Variants in MAGI2 observed in about 807,000 individuals in gnomAD.
MAGI2 encodes membrane associated guanylate kinase, WW and PDZ domain containing 2.
Under a neutral mutation model 133.3 loss-of-function variants are expected in MAGI2, and 35 were observed. The ratio of observed to expected loss-of-function variants is 0.26; its 90% confidence interval spans 0.20 to 0.35. The LOEUF (loss-of-function observed/expected upper bound fraction) is 0.35. MAGI2 is among the 10% of genes least tolerant of loss of function. MAGI2 has a pLI of 1.00. For synonymous variants in MAGI2, 729 were observed against 710.6 expected (o/e 1.03, Z -0.41); for missense variants, 1,636 against 1,863.4 (o/e 0.88, Z 2.25).
intron 1 of MAGI2, among the ~76,000 whole-genome samples, chr7:79,375,905 T>C (rs848923): frequency 0.5 from 75,790 of 151,630 alleles, 20,382 homozygotes; most frequent in African/African-American, 0.7. Flanking sequence ...ATTATTGGTC[T>C]TATCAGATAT....
chr7:78,313,397 G>A (rs1798886869), intron 9 of MAGI2, among the ~76,000 whole-genome samples: 1 of 151,900 alleles, frequency 6.6e-6, no homozygotes, highest in Non-Finnish European at 1.5e-5. Flanking sequence ...TAACTGTACT[G>A]GAAAGTGAAA....
intron 2 of MAGI2, among the ~76,000 whole-genome samples, chr7:78,865,486 G>C (rs1794486002): frequency 6.6e-6 from 1 of 152,146 alleles, no homozygotes; most frequent in South Asian, 2.1e-4. Flanking sequence ...TCAACAAGAA[G>C]GTAGATAGCA....
At chr7:78,644,000 C>T (rs1426705635) in intron 2 of MAGI2, among the ~76,000 whole-genome samples, 2 of 151,862 alleles carry the variant, frequency 1.3e-5, no homozygotes, top group African/African-American at 4.8e-5. Flanking sequence ...ATTGAAAAAG[C>T]TATGCTATGC....
chr7:78,845,619 C>T (rs1449114014), intron 2 of MAGI2, among the ~76,000 whole-genome samples: 3 of 152,012 alleles, frequency 2.0e-5, no homozygotes, highest in South Asian at 2.1e-4. Flanking sequence ...GTCAACTAAC[C>T]GGTATGGGAA....
chr7:79,052,719 A>G (rs1295661357), intron 1 of MAGI2, among the ~76,000 whole-genome samples: 1 of 152,214 alleles, frequency 6.6e-6, no homozygotes, highest in African/African-American at 2.4e-5. Flanking sequence ...TCTATCTTTT[A>G]TCAATTAACA....
intron 21 of MAGI2, among the ~76,000 whole-genome samples, chr7:78,047,787 G>A (rs1227585991): frequency 3.3e-5 from 5 of 152,150 alleles, no homozygotes; most frequent in African/African-American, 1.2e-4. Flanking sequence ...CCGTCTCTTG[G>A]GAAGACACCT....
intron 16 of MAGI2, among the ~76,000 whole-genome samples, chr7:78,137,940 G>GTA (rs1455455567): frequency 1.3e-5 from 2 of 151,886 alleles, no homozygotes; most frequent in African/African-American, 2.4e-5. Flanking sequence ...ATATATGTGT[G>GTA]TATATATATG....
At chr7:79,071,362 T>A (rs1204040665) in intron 1 of MAGI2, among the ~76,000 whole-genome samples, 2 of 151,948 alleles carry the variant, frequency 1.3e-5, no homozygotes, top group Non-Finnish European at 2.9e-5. Flanking sequence ...CAGCCATAGC[T>A]CTCCTGTATG....
At chr7:78,539,832 G>T (rs1331822303) in intron 3 of MAGI2, among the ~76,000 whole-genome samples, 3 of 152,302 alleles carry the variant, frequency 2.0e-5, no homozygotes, top group African/African-American at 7.2e-5. Flanking sequence ...GTCCTTAGTT[G>T]TTTTATTTAC....
chr7:79,373,727 A>G (rs1843201422), intron 1 of MAGI2, among the ~76,000 whole-genome samples: 2 of 152,044 alleles, frequency 1.3e-5, no homozygotes, highest in Non-Finnish European at 2.9e-5. Context: ...TAATTTGATA[A>G]TTTCAAGTAT....
chr7:78,342,432 C>T (rs1038461876), intron 9 of MAGI2, among the ~76,000 whole-genome samples: 45 of 152,094 alleles, frequency 3.0e-4, no homozygotes, highest in Non-Finnish European at 5.7e-4. Flanking sequence ...CCAGAATTAC[C>T]ATTTGACCTA....
chr7:79,260,280 C>T (rs1423091004), intron 1 of MAGI2, among the ~76,000 whole-genome samples: 1 of 152,002 alleles, frequency 6.6e-6, no homozygotes, highest in African/African-American at 2.4e-5. Context: ...GACTTGAGCC[C>T]GTGAGATTGA....
chr7:78,781,432 A>G (rs1204393341), intron 2 of MAGI2, among the ~76,000 whole-genome samples: 1 of 151,614 alleles, frequency 6.6e-6, no homozygotes, highest in African/African-American at 2.4e-5. Context: ...TGAAGAGCCT[A>G]CTATGTAAAA....
At position 78,848,894 on chromosome 7, in the gene MAGI2, C is replaced by T. The variant is rs1397013005; in HGVS notation, c.418+158196G>A. ...CAAATCACTTATGTATTTGTTTGCCCACATTTAAATATAGACTCCATGAGA... is the reference window on the plus strand; with the variant it reads ...CAAATCACTTATGTATTTGTTTGCCTACATTTAAATATAGACTCCATGAGA... On this transcript the variant is annotated intron_variant, in intron 2 of 21. Coordinates refer to ENST00000354212, the MANE Select transcript of MAGI2 (RefSeq NM_012301.4). Among the ~76,000 whole-genome samples, 4 of 152,110 alleles carry T rather than the reference C, an allele frequency of 2.6e-5. No individual in the cohort carries two copies. In the East Asian group the frequency reaches 7.8e-4, roughly 29 times the overall value.
At chr7:78,270,967 C>A (rs1021516081) in intron 9 of MAGI2, among the ~76,000 whole-genome samples, 1 of 152,008 alleles carries the variant, frequency 6.6e-6, no homozygotes, top group Non-Finnish European at 1.5e-5. Context: ...CTTTCTCTTG[C>A]CTGATTGCCC....
intron 5 of MAGI2, chr7:78,490,155 T>C: frequency 2.7e-6 from 1 of 371,202 alleles, no homozygotes; most frequent in Non-Finnish European, 4.8e-6. Context: ...GATTCTCCAG[T>C]TGGAAGAGCA....
intron 1 of MAGI2, among the ~76,000 whole-genome samples, chr7:79,372,901 C>G (rs1843140758): frequency 6.6e-6 from 1 of 151,992 alleles, no homozygotes. Context: ...AGCCACTCTG[C>G]TTTGGGGGAG....
At chr7:78,867,789 A>G (rs1794702253) in intron 2 of MAGI2, among the ~76,000 whole-genome samples, 1 of 152,146 alleles carries the variant, frequency 6.6e-6, no homozygotes, top group African/African-American at 2.4e-5. Flanking sequence ...ACTGTAACAT[A>G]AGAGTAAGAG....
At chr7:78,349,548 A>C (rs1791275512) in intron 7 of MAGI2, among the ~76,000 whole-genome samples, 1 of 152,192 alleles carries the variant, frequency 6.6e-6, no homozygotes, top group African/African-American at 2.4e-5. Context: ...CACCTGCTTT[A>C]TGGTCACTAT....
Sources: gnomAD v4.1 joint callset for allele counts (sites outside exome capture counted in the v4.1 genomes callset) on GRCh38, gnomAD v4.1.1 for gene constraint, MANE v1.5 for transcripts, NCBI Gene and HGNC (gene_info 2026-07-23, HGNC 2026-07-21) for gene names.